EVC2: variants seen among roughly 807,000 people sequenced by gnomAD.
The protein encoded by EVC2 is limbin.
A neutral mutation model predicts 149.3 loss-of-function variants in EVC2; 148 were observed. The observed-to-expected ratio is 0.99, with a 90% CI of 0.87 to 1.14. The LOEUF is 1.14. Ranked by LOEUF, EVC2 falls within the 50% of genes most tolerant of loss-of-function variation. The probability of loss-of-function intolerance (pLI) is 0.00; values close to 1 mark genes in which losing one functional copy is unlikely to be tolerated. For missense variants in EVC2, 1,854 were observed against 1,627.3 expected (o/e 1.14, Z -2.40); for synonymous variants, 776 against 649.9 (o/e 1.19, Z -2.95).
At chr4:5,634,402 C>T (rs181797627) in intron 10 of EVC2, among the ~76,000 whole-genome samples, 3 of 152,240 alleles carry the variant, frequency 2.0e-5, no homozygotes, top group Admixed American at 6.5e-5. Flanking sequence ...TCCATCAAAG[C>T]GACCTTCTTT....
intron 1 of EVC2, among the ~76,000 whole-genome samples, chr4:5,705,942 T>TCA (rs1457419338): frequency 6.6e-6 from 1 of 152,074 alleles, no homozygotes; most frequent in Non-Finnish European, 1.5e-5. Context: ...CCACAGGAAC[T>TCA]CACAGTCCAG....
intron 9 of EVC2, among the ~76,000 whole-genome samples, chr4:5,654,569 T>TGCAGGCCA (rs1718375977): frequency 6.6e-6 from 1 of 152,174 alleles, no homozygotes; most frequent in South Asian, 2.1e-4. Context: ...GCAATGGCAG[T>TGCAGGCCA]GCAGGCCAGC....
In EVC2 at chr4:5,576,805, A is replaced by G. The variant is rs936768960; in HGVS notation, c.3058-351T>C. Among the ~76,000 whole-genome samples, 1 of 152,134 alleles carries G rather than the reference A, an allele frequency of 6.6e-6. No homozygotes were observed. ...TGGGAGACACAGATGCCCTCTCCTC[A>G]TGTGCCCACTCACTACCCCTTGCAT... is the stretch of plus-strand genomic sequence containing the variant. On this transcript the variant is annotated intron_variant, in intron 17 of 21. Coordinates refer to ENST00000344408, the MANE Select transcript of EVC2 (RefSeq NM_147127.5). This position sits in a 1 kb window ranked among gnomAD's most constrained non-coding sequence, Gnocchi z 4.5.
Position 5,681,302 on chromosome 4 carries a change from C to T in EVC2, c.828G>A (p.Gln276=). Residue 276 remains glutamine (Q), a synonymous_variant, in exon 7 of 22, where the codon CAG becomes CAA. Coordinates refer to ENST00000344408, the MANE Select transcript of EVC2 (RefSeq NM_147127.5). ...TFQSSSRNRT[Q]LKVLFSITAE... Reference sequence around the variant, plus strand: ...CTGTTATGGAAAAAAGCACTTTCAGCTGTGTTCTGTTCTAGAAAAGGAAAA... The same window carrying T: ...CTGTTATGGAAAAAAGCACTTTCAGTTGTGTTCTGTTCTAGAAAAGGAAAA... The T allele has an allele frequency of 6.2e-7, 1 of 1,614,242 alleles. No homozygotes were observed. Among genetic ancestry groups the T allele is most frequent in the East Asian group, 2.2e-5 (1 of 44,886 alleles).
intron 21 of EVC2, among the ~76,000 whole-genome samples, chr4:5,554,851 T>C (rs913333462): frequency 2.0e-5 from 3 of 152,216 alleles, no homozygotes; most frequent in Non-Finnish European, 4.4e-5. Flanking sequence ...AAGCCAACTA[T>C]TAACTCTAAG....
intron 19 of EVC2, 58 bp from the exon 20 acceptor site, chr4:5,568,698 T>G (rs977842388): frequency 1.3e-6 from 2 of 1,527,264 alleles, no homozygotes; most frequent in African/African-American, 2.7e-5. Flanking sequence ...TGAACCATCA[T>G]TTTTAATTTA....
intron 13 of EVC2, among the ~76,000 whole-genome samples, chr4:5,623,346 T>TA (rs1344509884): frequency 2.0e-5 from 3 of 150,054 alleles, no homozygotes; most frequent in African/African-American, 7.5e-5. Context: ...TTATTTTTTT[T>TA]ATTTTTTTTT....
At chr4:5,554,582 C>A (rs1245388832) in intron 21 of EVC2, among the ~76,000 whole-genome samples, 1 of 152,184 alleles carries the variant, frequency 6.6e-6, no homozygotes, top group Non-Finnish European at 1.5e-5. Context: ...ACCTTATCCC[C>A]TTCCCCAGCA....
At chr4:5,615,378 G>A (rs374428153) in intron 16 of EVC2, 44 bp downstream of exon 16, 121 of 1,613,326 alleles carry the variant, frequency 7.5e-5, no homozygotes, top group Middle Eastern at 1.7e-4. Flanking sequence ...GAGCAGCCCC[G>A]CCATGTGCAG....
At chr4:5,540,675 G>A (rs1456610764), downstream of EVC2, among the ~76,000 whole-genome samples, 2 of 152,176 alleles carry the variant, frequency 1.3e-5, no homozygotes, top group East Asian at 3.8e-4. Flanking sequence ...CCTAGAGGGA[G>A]GAATTTACCA....
intron 16 of EVC2, among the ~76,000 whole-genome samples, chr4:5,601,806 G>C (rs550536319): frequency 1.3e-5 from 2 of 152,218 alleles, no homozygotes; most frequent in African/African-American, 4.8e-5. Context: ...AAAGAGAGGA[G>C]TGAAGGGAAT....
rs184849538 is a variant in EVC2 at position 5,569,216 on chromosome 4, G to A, written c.3361-576C>T. ...GTGATGAGACTTGGAACTGGAGAGC[G>A]GCAGTGGATGCCAGGTGTGGGGCAG... On this transcript the variant is annotated intron_variant, in intron 19 of 21. Transcript: ENST00000344408. This position sits in a 1 kb window ranked among gnomAD's most constrained non-coding sequence, Gnocchi z 4.8. 4.9e-3 allele frequency among the ~76,000 whole-genome samples: 746 copies of A among 152,330 alleles called. 5 individuals carry two copies. Among genetic ancestry groups the A allele is most frequent in the African/African-American group, 0.017 (711 of 41,582 alleles).
chr4:5,673,658 C>T (rs1204233345), intron 7 of EVC2, among the ~76,000 whole-genome samples: 1 of 152,174 alleles, frequency 6.6e-6, no homozygotes, highest in Non-Finnish European at 1.5e-5. Flanking sequence ...GGAGCAGATG[C>T]CTTTGATGCA....
chr4:5,543,310 A>G, intron 21 of EVC2: 1 of 615,636 alleles, frequency 1.6e-6, no homozygotes, highest in Non-Finnish European at 2.6e-6. Flanking sequence ...AGCACTCCAT[A>G]AACACACTCT....
Position 5,657,181 on chromosome 4 carries a change from G to T in EVC2, c.1145+5926C>A, listed in dbSNP as rs994043953. On this transcript the variant is annotated intron_variant, in intron 9 of 21. Coordinates refer to ENST00000344408, the MANE Select transcript of EVC2 (RefSeq NM_147127.5). The surrounding 1 kb of genome is among the most constrained non-coding windows in gnomAD (Gnocchi z 4.7). ...ACTCCATGTTGCTCAGCAAGTCTGG[G>T]TTTCTCTAGTAAGCCACTTCCCCGT... Among the ~76,000 whole-genome samples, 3 of 152,138 alleles carry T rather than the reference G, an allele frequency of 2.0e-5. 1 individual carries two copies. In the South Asian group the frequency reaches 6.2e-4, roughly 32 times the overall value.
intron 13 of EVC2, among the ~76,000 whole-genome samples, chr4:5,623,953 G>C (rs1297046415): frequency 6.6e-6 from 1 of 152,210 alleles, no homozygotes; most frequent in Non-Finnish European, 1.5e-5. Context: ...ATGAACATCT[G>C]TTAGTGTTAT....
At chr4:5,704,405 G>C (rs976020902) in intron 1 of EVC2, among the ~76,000 whole-genome samples, 1 of 152,170 alleles carries the variant, frequency 6.6e-6, no homozygotes, top group African/African-American at 2.4e-5. Context: ...CTGACAGGAA[G>C]GGAGGCAAGG....
chr4:5,630,268 C>T (rs982213292), intron 11 of EVC2, among the ~76,000 whole-genome samples: 4 of 152,136 alleles, frequency 2.6e-5, no homozygotes, highest in Admixed American at 6.5e-5. Context: ...CTCATGCGCT[C>T]GGCCTGGTAC....
intron 2 of EVC2, among the ~76,000 whole-genome samples, chr4:5,697,326 C>T (rs970685469): frequency 6.6e-6 from 1 of 152,216 alleles, no homozygotes; most frequent in African/African-American, 2.4e-5. Context: ...TTAATTCACA[C>T]GTTCTGTTTC....
Sources: gnomAD v4.1 joint callset for allele counts (sites outside exome capture counted in the v4.1 genomes callset) on GRCh38, gnomAD v4.1.1 for gene constraint, Gnocchi (gnomAD v3.1) non-coding constraint, MANE v1.5 for transcripts, NCBI Gene and HGNC (gene_info 2026-07-23, HGNC 2026-07-21) for gene names.